NLGN1: variants seen among roughly 807,000 people sequenced by gnomAD.
The protein encoded by NLGN1 is neuroligin 1.
In NLGN1, 12 loss-of-function variants were observed where a neutral mutation model predicts 65.5. The observed-to-expected ratio is 0.18, with a 90% CI of 0.12 to 0.30. The LOEUF (loss-of-function observed/expected upper bound fraction) is 0.30, where lower values mean the gene tolerates loss of function less well. Among genes scored for constraint, NLGN1 ranks in the 10% least tolerant of loss-of-function variants. The probability of loss-of-function intolerance (pLI) is 1.00; values close to 1 mark genes in which losing one functional copy is unlikely to be tolerated. For synonymous variants in NLGN1, 350 were observed against 359.5 expected, an observed-to-expected ratio of 0.97 and a Z score of 0.30; for missense variants, 750 against 1,007.1, an observed-to-expected ratio of 0.74 and a Z score of 3.46.
chr3:173,897,188 T>C (rs1736489654), intron 4 of NLGN1, among the ~76,000 whole-genome samples: 1 of 152,204 alleles, frequency 6.6e-6, no homozygotes, highest in Admixed American at 6.5e-5. Context: ...TTTCACTCTT[T>C]TGCTGGGCAA....
chr3:173,436,747 T>C (rs948084315), intron 2 of NLGN1, among the ~76,000 whole-genome samples: 2 of 152,130 alleles, frequency 1.3e-5, no homozygotes, highest in Non-Finnish European at 2.9e-5. Context: ...GAGAACAGAG[T>C]GTAAGAGAGA....
At chr3:173,966,715 G>A (rs1714950866) in intron 4 of NLGN1, among the ~76,000 whole-genome samples, 1 of 152,102 alleles carries the variant, frequency 6.6e-6, no homozygotes, top group Non-Finnish European at 1.5e-5. Context: ...AAATACCAAA[G>A]TTGAATAAAG....
intron 4 of NLGN1, among the ~76,000 whole-genome samples, chr3:174,209,304 A>G (rs1418284650): frequency 2.6e-5 from 4 of 152,164 alleles, no homozygotes; most frequent in Non-Finnish European, 2.9e-5. Flanking sequence ...TTCTGACTGC[A>G]CTATAACTCT....
At chr3:174,215,098 A>G (rs1737358081) in intron 4 of NLGN1, among the ~76,000 whole-genome samples, 1 of 152,136 alleles carries the variant, frequency 6.6e-6, no homozygotes, top group Non-Finnish European at 1.5e-5. Context: ...CTGAATATCA[A>G]GTCCACCTAC....
chr3:173,709,035 G>A (rs1768503996), intron 3 of NLGN1, among the ~76,000 whole-genome samples: 1 of 152,198 alleles, frequency 6.6e-6, no homozygotes, highest in African/African-American at 2.4e-5. Flanking sequence ...GGTTATGTAT[G>A]TGAAAGACAC....
intron 4 of NLGN1, among the ~76,000 whole-genome samples, chr3:174,040,435 A>G (rs907769226): frequency 6.6e-6 from 1 of 152,186 alleles, no homozygotes; most frequent in Non-Finnish European, 1.5e-5. Flanking sequence ...TTGACCTTGA[A>G]GGGGAATGTA....
chr3:174,247,620 G>A (rs754031581), intron 4 of NLGN1, among the ~76,000 whole-genome samples: 6 of 152,082 alleles, frequency 3.9e-5, no homozygotes, highest in Non-Finnish European at 7.3e-5. Context: ...TAGCCTCTTG[G>A]TAGTTGACAA....
chr3:173,741,262 C>CGTCT (rs892551003), intron 3 of NLGN1, among the ~76,000 whole-genome samples: 2 of 152,086 alleles, frequency 1.3e-5, no homozygotes, highest in African/African-American at 2.4e-5. Flanking sequence ...ACAGAGCAGA[C>CGTCT]AATCAAGAGC....
At position 173,797,834 on chromosome 3, in the gene NLGN1, A is replaced by G. The variant is rs563409292; in HGVS notation, c.494-9846A>G. On this transcript the variant is annotated intron_variant, in intron 3 of 6. Transcript: ENST00000457714. The stretch of plus-strand genomic sequence containing the variant: ...CTAGCAACTGAGAGCCATGTGCCAC[A>G]TGCAAAGAAGTGGGCGATGATGTTT... Among the ~76,000 whole-genome samples, 4 of 152,092 alleles carry G rather than the reference A, an allele frequency of 2.6e-5. No homozygotes were observed. In the East Asian group the frequency reaches 7.7e-4, roughly 29 times the overall value.
chr3:173,405,832 T>C (rs1226769241), intron 1 of NLGN1, among the ~76,000 whole-genome samples: 1 of 152,216 alleles, frequency 6.6e-6, no homozygotes, highest in African/African-American at 2.4e-5. Context: ...GGCTTTGGTT[T>C]TCGTTTTTCA....
intron 4 of NLGN1, among the ~76,000 whole-genome samples, chr3:174,143,064 T>C (rs906127192): frequency 4.6e-5 from 7 of 152,056 alleles, no homozygotes; most frequent in Non-Finnish European, 1.0e-4. Context: ...ACTAATTCAG[T>C]GAGAACTCAC....
At chr3:174,115,928 G>A (rs922636848) in intron 4 of NLGN1, among the ~76,000 whole-genome samples, 2 of 152,088 alleles carry the variant, frequency 1.3e-5, no homozygotes, top group African/African-American at 4.8e-5. Flanking sequence ...TTAGATGAGG[G>A]CATCCCAAAA....
intron 4 of NLGN1, among the ~76,000 whole-genome samples, chr3:173,893,343 A>G (rs1045493748): frequency 2.6e-5 from 4 of 152,198 alleles, no homozygotes; most frequent in Admixed American, 6.5e-5. Flanking sequence ...CAGCTCTGAT[A>G]CTAACAATGT....
intron 3 of NLGN1, among the ~76,000 whole-genome samples, chr3:173,681,069 T>A (rs1475554676): frequency 6.6e-6 from 1 of 152,202 alleles, no homozygotes; most frequent in South Asian, 2.1e-4. Flanking sequence ...TATTTGAAAT[T>A]TTTTAGGCTA....
Position 174,216,549 on chromosome 3 carries a change from C to G in NLGN1, c.647-58766C>G, listed in dbSNP as rs534708913. Among the ~76,000 whole-genome samples the G allele has an allele frequency of 3.9e-5, 6 of 152,096 alleles. No homozygotes were observed. The South Asian group carries it at 1.0e-3, about 26-fold the overall frequency. ...TGGGAAACTGAGTAGATAGATGTGCCCCTTTCTGAAATAGAAAAGACTGTA... is the reference window on the plus strand; with the variant it reads ...TGGGAAACTGAGTAGATAGATGTGCGCCTTTCTGAAATAGAAAAGACTGTA... On this transcript the variant is annotated intron_variant, in intron 4 of 6. Transcript: ENST00000457714.
intron 3 of NLGN1, among the ~76,000 whole-genome samples, chr3:173,715,875 T>A (rs1041510755): frequency 3.3e-5 from 4 of 122,062 alleles, no homozygotes; most frequent in African/African-American, 1.0e-4. Flanking sequence ...GAAAACAGGA[T>A]TTCAGAGTTT....
intron 2 of NLGN1, among the ~76,000 whole-genome samples, chr3:173,525,210 G>C (rs979244195): frequency 6.6e-6 from 1 of 150,718 alleles, no homozygotes; most frequent in Non-Finnish European, 1.5e-5. Context: ...CTGTGAATCT[G>C]TCTGGTCCTG....
intron 4 of NLGN1, among the ~76,000 whole-genome samples, chr3:173,913,085 A>C (rs1426631306): frequency 6.6e-6 from 1 of 152,206 alleles, no homozygotes; most frequent in Non-Finnish European, 1.5e-5. Context: ...CATGGGAGGC[A>C]GAGGCAAAGT....
intron 4 of NLGN1, among the ~76,000 whole-genome samples, chr3:174,025,839 C>T (rs1431587638): frequency 6.6e-6 from 1 of 152,096 alleles, no homozygotes; most frequent in Non-Finnish European, 1.5e-5. Flanking sequence ...CATTGGCTAC[C>T]TGGTAGAATT....
Sources: allele counts gnomAD v4.1 joint callset (sites outside exome capture counted in the v4.1 genomes callset), GRCh38; gene constraint gnomAD v4.1.1; transcripts MANE v1.5; gene names NCBI Gene and HGNC (gene_info 2026-07-23, HGNC 2026-07-21).